The following ANK3 variants were observed in gnomAD, a reference collection of about 807,000 sequenced individuals.
ANK3 encodes the protein ankyrin 3.
Under a neutral mutation model 370.9 loss-of-function variants are expected in ANK3, and 57 were observed. That is an observed-to-expected ratio of 0.15 (90% CI 0.12 to 0.19). ANK3 has a LOEUF of 0.19. Among genes scored for constraint, ANK3 ranks in the 10% least tolerant of loss-of-function variants. ANK3 has a pLI of 1.00. For missense variants in ANK3, 4,439 were observed against 5,302.1 expected (o/e 0.84, Z 5.06); for synonymous variants, 1,929 against 1,946.3 (o/e 0.99, Z 0.23).
Position 60,492,706 on chromosome 10 carries a change from C to CAA in ANK3, c.96+122478_96+122479dup, listed in dbSNP as rs764367710. 4.1e-3 allele frequency among the ~76,000 whole-genome samples: 238 copies of CAA among 57,464 alleles called. 1 individual carries two copies. The highest frequency in any genetic ancestry group is 5.4e-3 in the Non-Finnish European group (171 of 31,410). 37.7% of individuals were successfully genotyped at this position (57,464 alleles called of 152,430 possible). ...TGGGCAACACAGTGAGACTCTGTCT[C>CAA]AAAAAAAAAAAAAAAAAAGAAAGAA... is the stretch of plus-strand genomic sequence containing the variant. On this transcript the variant is annotated intron_variant, in intron 2 of 43. Coordinates refer to the ANK3 transcript ENST00000373827.
At chr10:60,341,284 T>C (rs1283247903) in intron 1 of ANK3, among the ~76,000 whole-genome samples, 2 of 152,198 alleles carry the variant, frequency 1.3e-5, no homozygotes, top group Non-Finnish European at 2.9e-5. Context: ...TTCTGGTGAT[T>C]AGTCATGCTC....
At chr10:60,213,110 C>G (rs891727399) in intron 9 of ANK3, among the ~76,000 whole-genome samples, 2 of 151,986 alleles carry the variant, frequency 1.3e-5, no homozygotes, top group African/African-American at 4.8e-5. Flanking sequence ...GAACTTTAGT[C>G]TTTCTTAACC....
chr10:60,434,446 C>CA (rs1372058620), intron 2 of ANK3, among the ~76,000 whole-genome samples: 3 of 152,076 alleles, frequency 2.0e-5, no homozygotes, highest in Non-Finnish European at 2.9e-5. Flanking sequence ...TTTAACAAAA[C>CA]AAAATAACAA....
chr10:60,163,748 A>C (rs1025583644), intron 23 of ANK3, among the ~76,000 whole-genome samples: 1 of 152,144 alleles, frequency 6.6e-6, no homozygotes, highest in Non-Finnish European at 1.5e-5. Context: ...ACAGCAGATT[A>C]TTTTTAGAAT....
intron 5 of ANK3, among the ~76,000 whole-genome samples, chr10:60,265,571 C>T (rs1647667621): frequency 6.7e-6 from 1 of 149,100 alleles, no homozygotes; most frequent in African/African-American, 2.5e-5. Flanking sequence ...CTCAAAAGGG[C>T]ATTTTTTTTT....
intron 1 of ANK3, among the ~76,000 whole-genome samples, chr10:60,304,287 AT>A (rs761036722): frequency 2.6e-5 from 4 of 152,110 alleles, no homozygotes; most frequent in Non-Finnish European, 5.9e-5. Context: ...CAGCAAAAAA[AT>A]AACTATAAAA....
rs71015794 is a variant in ANK3 at position 60,468,997 on chromosome 10, G to GTATATATATATATATATATA, written c.96+146169_96+146188dup. ...ACTATATATATACCACTTTTAGTGT[G>GTATATATATATATATATATA]TATATATATATATATATATATACCA... On this transcript the variant is annotated intron_variant, in intron 2 of 43. Transcript: ENST00000373827. 1.7e-4 allele frequency among the ~76,000 whole-genome samples: 4 copies of GTATATATATATATATATATA among 23,254 alleles called. 1 individual carries two copies. Among genetic ancestry groups the GTATATATATATATATATATA allele is most frequent in the African/African-American group, 6.8e-4 (4 of 5,874 alleles). The allele number at this position is 23,254 out of a possible 152,430, so 15.3% of individuals were successfully genotyped here.
intron 9 of ANK3, among the ~76,000 whole-genome samples, chr10:60,211,834 G>T (rs1281350068): frequency 2.2e-5 from 3 of 138,072 alleles, no homozygotes; most frequent in Non-Finnish European, 4.5e-5. Context: ...TCACATGTTT[G>T]TGCCTGACAC....
intron 21 of ANK3, among the ~76,000 whole-genome samples, chr10:60,167,837 C>A (rs2095664563): frequency 6.6e-6 from 1 of 152,016 alleles, no homozygotes; most frequent in Non-Finnish European, 1.5e-5. Context: ...TACCCCTATC[C>A]CCAATTATTG....
In ANK3 at chr10:60,151,991, G is replaced by A. The variant is rs3890617; in HGVS notation, c.2615-12904C>T. On this transcript the variant is annotated intron_variant, in intron 23 of 43. Coordinates refer to ENST00000280772, the MANE Select transcript of ANK3 (RefSeq NM_020987.5). Reference sequence around the variant, plus strand: ...TGTCTAGCTTAATGCCTAGCACATAGAAAGATTCAATCATGGTAAATACCT... The same window carrying A: ...TGTCTAGCTTAATGCCTAGCACATAAAAAGATTCAATCATGGTAAATACCT... Among the ~76,000 whole-genome samples, 615 of 150,456 alleles carry A rather than the reference G, an allele frequency of 4.1e-3. 4 individuals carry two copies. The highest frequency in any genetic ancestry group is 0.014 in the African/African-American group (588 of 41,220).
chr10:60,093,366 C>T (rs2089198308), intron 28 of ANK3, among the ~76,000 whole-genome samples: 2 of 152,182 alleles, frequency 1.3e-5, no homozygotes, highest in African/African-American at 4.8e-5. Flanking sequence ...CCTTATGGTG[C>T]TAGCAATTTA....
intron 7 of ANK3, among the ~76,000 whole-genome samples, chr10:60,247,711 A>G (rs943077490): frequency 6.6e-6 from 1 of 152,110 alleles, no homozygotes; most frequent in Non-Finnish European, 1.5e-5. Flanking sequence ...TCTGCCGCCC[A>G]GGCTGGAATG....
At chr10:60,107,768 C>T (rs896275847) in intron 27 of ANK3, among the ~76,000 whole-genome samples, 19 of 152,208 alleles carry the variant, frequency 1.2e-4, no homozygotes, top group South Asian at 4.1e-4. Context: ...CACATGCGCA[C>T]GCGCACACAC....
At chr10:60,665,931 G>A (rs1384264272) in intron 1 of ANK3, among the ~76,000 whole-genome samples, 2 of 152,192 alleles carry the variant, frequency 1.3e-5, no homozygotes, top group African/African-American at 4.8e-5. Flanking sequence ...TAAAGATGTG[G>A]AGAAATTAGA....
chr10:60,132,747 G>C (rs2132180493), intron 25 of ANK3, among the ~76,000 whole-genome samples: 1 of 152,018 alleles, frequency 6.6e-6, no homozygotes, highest in African/African-American at 2.4e-5. Flanking sequence ...CTCCCGAGTA[G>C]CTGAGATTAC....
At chr10:60,655,484 T>C (rs2078851083) in intron 1 of ANK3, among the ~76,000 whole-genome samples, 1 of 152,016 alleles carries the variant, frequency 6.6e-6, no homozygotes, top group Non-Finnish European at 1.5e-5. Context: ...TAGAAAAATG[T>C]TTCTAGAATA....
At chr10:60,670,893 T>G (rs2133381212) in intron 1 of ANK3, among the ~76,000 whole-genome samples, 1 of 152,302 alleles carries the variant, frequency 6.6e-6, no homozygotes, top group South Asian at 2.1e-4. Context: ...TTTTGCTGTT[T>G]TACATTTTCC....
At chr10:60,690,048 G>A (rs1486177044) in intron 1 of ANK3, among the ~76,000 whole-genome samples, 2 of 152,146 alleles carry the variant, frequency 1.3e-5, no homozygotes, top group African/African-American at 4.8e-5. Context: ...AATCAGATTA[G>A]AAAGTAGTAC....
intron 8 of ANK3, among the ~76,000 whole-genome samples, chr10:60,232,197 T>C (rs962356981): frequency 6.6e-6 from 1 of 152,164 alleles, no homozygotes; most frequent in Non-Finnish European, 1.5e-5. Context: ...TGACAAATCA[T>C]TTTGCTGTTC....
Sources: gnomAD v4.1 joint callset for allele counts (sites outside exome capture counted in the v4.1 genomes callset) on GRCh38, gnomAD v4.1.1 for gene constraint, MANE v1.5 for transcripts, NCBI Gene and HGNC (gene_info 2026-07-23, HGNC 2026-07-21) for gene names.